Variants in DNAH11 observed in about 807,000 individuals in gnomAD.
The protein encoded by DNAH11 is dynein axonemal heavy chain 11.
In DNAH11, 442 loss-of-function variants were observed where a neutral mutation model predicts 526.0. The observed-to-expected ratio is 0.84, with a 90% CI of 0.78 to 0.91. The LOEUF is 0.91. Among genes scored for constraint, DNAH11 ranks in the 40% least tolerant of loss-of-function variants. The pLI, the probability that DNAH11 is intolerant of heterozygous loss-of-function variation, is 0.00. For synonymous variants in DNAH11, 2,461 were observed against 1,935.9 expected (o/e 1.27, Z -7.12); for missense variants, 6,989 against 5,448.7 (o/e 1.28, Z -8.90).
chr7:21,771,801 T>C (rs1787445515), intron 55 of DNAH11, among the ~76,000 whole-genome samples: 1 of 152,016 alleles, frequency 6.6e-6, no homozygotes. Context: ...TAGCCCTCGC[T>C]GCGGCAGCAC....
At chr7:21,588,012 A>G (rs2128442599) in intron 9 of DNAH11, 52 bp from the exon 10 acceptor site, 3 of 1,567,786 alleles carry the variant, frequency 1.9e-6, no homozygotes, top group Admixed American at 1.7e-5. Context: ...TGAGCTGAGT[A>G]TTTGTTAAAA....
At chr7:21,781,385 A>G (rs570673035) in intron 57 of DNAH11, among the ~76,000 whole-genome samples, 1 of 152,328 alleles carries the variant, frequency 6.6e-6, no homozygotes, top group South Asian at 2.1e-4. Context: ...ACCACTGGGC[A>G]TTGCCAGCAG....
chr7:21,637,736 C>T, intron 27 of DNAH11, 34 bp downstream of exon 27: 1 of 1,342,834 alleles, frequency 7.4e-7, no homozygotes, highest in Non-Finnish European at 1.0e-6. Flanking sequence ...AATCAATTTA[C>T]TGTAATTTTA....
chr7:21,804,823 T>C (rs1789181840), intron 62 of DNAH11, among the ~76,000 whole-genome samples: 1 of 152,088 alleles, frequency 6.6e-6, no homozygotes, highest in South Asian at 2.1e-4. Flanking sequence ...CTTAAGTACA[T>C]TCACATCACT....
intron 65 of DNAH11, among the ~76,000 whole-genome samples, chr7:21,830,151 G>A (rs1790485442): frequency 1.3e-5 from 2 of 152,162 alleles, no homozygotes; most frequent in Admixed American, 1.3e-4. Context: ...GAAGACGGTT[G>A]TCATTATTAT....
At chr7:21,728,237 CTTTTTTTTTTTTTTTTTTT>C (rs71026816) in intron 45 of DNAH11, among the ~76,000 whole-genome samples, 5 of 58,946 alleles carry the variant, frequency 8.5e-5, no homozygotes, top group South Asian at 7.4e-4. Flanking sequence ...GCCCACAATT[CTTTTTTTTTTTTTTTTTTT>C]TTTTTTTTTT....
chr7:21,835,838 T>C (rs1254652084), intron 65 of DNAH11, among the ~76,000 whole-genome samples: 1 of 150,516 alleles, frequency 6.6e-6, no homozygotes, highest in Non-Finnish European at 1.5e-5. Context: ...GATGACATGA[T>C]TGTATATATA....
rs554468324 is a variant in DNAH11, at chr7:21,698,311, A to G, written c.6180+98A>G. On this transcript the variant is annotated intron_variant, in intron 36 of 81. Coordinates refer to ENST00000409508, the MANE Select transcript of DNAH11 (RefSeq NM_001277115.2). ...TAATTTATCATTCAAATTACATTAG[A>G]CATTAAAATTTTTTTGTACTTAAAA... 1.6e-4 allele frequency: 238 copies of G among 1,512,556 alleles called. 5 individuals carry two copies. In the South Asian group the frequency reaches 2.6e-3, roughly 17 times the overall value. 93.7% of individuals were successfully genotyped at this position (1,512,556 alleles called of 1,614,324 possible). A position where few individuals can be genotyped will look rare whatever the true frequency, so the allele number is the denominator to read the frequency against.
At chr7:21,617,542 A>T in intron 22 of DNAH11, 77 bp from the exon 23 acceptor site, 1 of 1,499,072 alleles carries the variant, frequency 6.7e-7, no homozygotes, top group Non-Finnish European at 9.1e-7. Flanking sequence ...TGGGAAATAT[A>T]TGTCAAAGGA....
intron 28 of DNAH11, among the ~76,000 whole-genome samples, chr7:21,652,083 C>G (rs1039773132): frequency 9.9e-5 from 15 of 152,114 alleles, no homozygotes; most frequent in Admixed American, 3.3e-4. Flanking sequence ...AAAATGGAAT[C>G]AAACATAGAT....
Position 21,638,946 on chromosome 7 carries a change from C to G in DNAH11, c.4825C>G (p.Leu1609Val), listed in dbSNP as rs886062177. The change falls in exon 28 of 82, where the codon CTT becomes GTT. Residue 1609 changes from leucine (L) to valine (V), a missense_variant. Leu to Val is a conservative substitution (Grantham distance 32, BLOSUM62 1). Transcript: ENST00000409508. ...KLKDLQSRLSLCEKALAEYLE... is the reference protein window; with the variant it reads ...KLKDLQSRLSVCEKALAEYLE... ...CATTTTTCATTCATGTAGGCTTTCT[C>G]TTTGTGAAAAAGCTCTCGCTGAATA... 1.2e-6 allele frequency: 2 copies of G among 1,606,548 alleles called. No homozygotes were observed. The highest frequency in any genetic ancestry group is 1.1e-5 in the South Asian group (1 of 89,068).
chr7:21,680,328 G>A (rs1583588286), intron 30 of DNAH11, among the ~76,000 whole-genome samples: 1 of 152,198 alleles, frequency 6.6e-6, no homozygotes, highest in Non-Finnish European at 1.5e-5. Flanking sequence ...CTTTTGCAGA[G>A]CTGAAGAGAA....
intron 56 of DNAH11, among the ~76,000 whole-genome samples, chr7:21,777,146 C>T (rs982231090): frequency 5.9e-5 from 9 of 152,158 alleles, no homozygotes; most frequent in Admixed American, 3.9e-4. Context: ...TTCTCCATTT[C>T]TATAGTTTTG....
At chr7:21,583,655 A>G (rs1198192772) in intron 9 of DNAH11, among the ~76,000 whole-genome samples, 1 of 152,224 alleles carries the variant, frequency 6.6e-6, no homozygotes, top group Admixed American at 6.5e-5. Context: ...CAACCTACAG[A>G]ATGGGAGAAT....
At chr7:21,692,380 G>A (rs984288858) in intron 35 of DNAH11, among the ~76,000 whole-genome samples, 2 of 152,134 alleles carry the variant, frequency 1.3e-5, no homozygotes, top group Admixed American at 6.5e-5. Flanking sequence ...TGTGATTATA[G>A]ATTAAATTTG....
chr7:21,585,365 G>C (rs1468993155), intron 9 of DNAH11, among the ~76,000 whole-genome samples: 1 of 152,116 alleles, frequency 6.6e-6, no homozygotes, highest in Non-Finnish European at 1.5e-5. Flanking sequence ...TGTGTACTTA[G>C]AAAAATATTG....
chr7:21,793,818 A>C (rs1167672718), intron 61 of DNAH11, among the ~76,000 whole-genome samples: 2 of 152,132 alleles, frequency 1.3e-5, no homozygotes, highest in African/African-American at 4.8e-5. Context: ...ACTTAGATCT[A>C]TTCATGTTTA....
At chr7:21,829,853 T>C (rs1185620739) in intron 65 of DNAH11, among the ~76,000 whole-genome samples, 1 of 152,254 alleles carries the variant, frequency 6.6e-6, no homozygotes, top group African/African-American at 2.4e-5. Flanking sequence ...GATTCTTGTT[T>C]TCAGGAAACT....
intron 66 of DNAH11, chr7:21,851,242 C>G (rs1782620917): frequency 9.0e-6 from 2 of 223,332 alleles, no homozygotes; most frequent in Middle Eastern, 3.8e-3. Context: ...TTATAAGGGG[C>G]TTTTCCCCCT....
Sources: gnomAD v4.1 joint callset for allele counts (sites outside exome capture counted in the v4.1 genomes callset) on GRCh38, gnomAD v4.1.1 for gene constraint, MANE v1.5 for transcripts, NCBI Gene and HGNC (gene_info 2026-07-23, HGNC 2026-07-21) for gene names.